NKX3-2: variants seen among roughly 807,000 people sequenced by gnomAD.
NKX3-2 encodes homeobox protein Nkx-3.2.
In NKX3-2, 13 loss-of-function variants were observed where a neutral mutation model predicts 19.4. The observed-to-expected ratio is 0.67, with a 90% CI of 0.44 to 1.07. NKX3-2 has a LOEUF of 1.07. NKX3-2 is among the 50% of genes least tolerant of loss of function. NKX3-2 has a pLI of 0.00. For missense variants in NKX3-2, 562 were observed against 488.2 expected (o/e 1.15, Z -1.42); for synonymous variants, 269 against 230.5 (o/e 1.17, Z -1.51).
In NKX3-2 at chr4:13,542,638, C is replaced by A; in HGVS notation, c.467-110G>T. ...GAGTGGGGCGGAAATACACTTTGAT[C>A]CCACTCAAGCGGAGCGGAGGTCTGG... On this transcript the variant is annotated intron_variant, in intron 1 of 1. Coordinates refer to ENST00000382438, the MANE Select transcript of NKX3-2 (RefSeq NM_001189.4). The surrounding 1 kb of genome is among the most constrained non-coding windows in gnomAD (Gnocchi z 6.4). 7.1e-7 allele frequency: 1 copy of A among 1,399,250 alleles called. No homozygotes were observed. The highest frequency in any genetic ancestry group is 9.9e-7 in the Non-Finnish European group (1 of 1,006,280). 86.7% of individuals were successfully genotyped at this position (1,399,250 alleles called of 1,614,324 possible).
upstream of NKX3-2, chr4:13,547,545 T>G: frequency 4.5e-6 from 1 of 221,096 alleles, no homozygotes; most frequent in Non-Finnish European, 8.9e-6. Context: ...GTCTTCTGCC[T>G]CTCTTCCTTC....
Position 13,542,166 on chromosome 4 carries a change from C to T in NKX3-2, c.829G>A (p.Ala277Thr). Residue 277 changes from alanine (A) to threonine (T), a missense_variant, in exon 2 of 2, where the codon GCC becomes ACC. By Grantham distance (58) the Ala-to-Thr change is moderately conservative. Coordinates refer to ENST00000382438, the MANE Select transcript of NKX3-2 (RefSeq NM_001189.4). The surrounding 1 kb of genome is among the most constrained non-coding windows in gnomAD (Gnocchi z 6.4). ...AADLLASAPA[A>T]KKVAVKVLVR... ...AGCACCTTTACGGCCACCTTCTTGGCGGCGGGCGCCGAGGCCAGCAGGTCG... is the reference window on the plus strand; with the variant it reads ...AGCACCTTTACGGCCACCTTCTTGGTGGCGGGCGCCGAGGCCAGCAGGTCG... The T allele has an allele frequency of 3.7e-6, 6 of 1,607,998 alleles. No individual in the cohort carries two copies. Among genetic ancestry groups the T allele is most frequent in the Non-Finnish European group, 5.1e-6 (6 of 1,177,556 alleles).
In NKX3-2 at chr4:13,542,498, C is replaced by T. The variant is rs1185382344; in HGVS notation, c.497G>A (p.Gly166Asp). 6.3e-7 allele frequency: 1 copy of T among 1,596,716 alleles called. No individual in the cohort carries two copies. The highest frequency in any genetic ancestry group is 1.1e-5 in the South Asian group (1 of 90,964). ...GDRSPRTEDD[G>D]VGPRGAHVSA... ...CACGTGTGCACCTCTGGGGCCAACACCGTCGTCCTCGGTCCTTGGGCTGCG... is the reference window on the plus strand; with the variant it reads ...CACGTGTGCACCTCTGGGGCCAACATCGTCGTCCTCGGTCCTTGGGCTGCG... Residue 166 changes from glycine to aspartate, a missense_variant, in exon 2 of 2, where the codon GGT (glycine) becomes GAT (aspartate). Transcript: ENST00000382438. The surrounding 1 kb of genome is among the most constrained non-coding windows in gnomAD (Gnocchi z 6.4).
In NKX3-2 at chr4:13,544,106, G is replaced by C. The variant is rs749687098; in HGVS notation, c.309C>G (p.Ser103Arg). ...SDSALSEENE[S>R]RRRCADARGA... ...CCCGCGCGTCCGCGCAGCGCCGCCT[G>C]CTCTCGTTCTCCTCGCTGAGCGCGG... The change falls in exon 1 of 2, where the codon AGC becomes AGG. Residue 103 changes from serine to arginine, a missense_variant. Transcript: ENST00000382438. 1.9e-6 allele frequency: 3 copies of C among 1,597,952 alleles called. No individual in the cohort carries two copies. The highest frequency in any genetic ancestry group is 2.6e-6 in the Non-Finnish European group (3 of 1,174,890).
At position 13,541,754 on chromosome 4, in the gene NKX3-2, TG is replaced by T; in HGVS notation, c.*238del. The T allele has an allele frequency of 2.0e-6, 1 of 505,548 alleles. No homozygotes were observed. The highest frequency in any genetic ancestry group is 3.5e-6 in the Non-Finnish European group (1 of 288,626). 31.3% of individuals were successfully genotyped at this position (505,548 alleles called of 1,614,324 possible). On this transcript the variant is annotated 3_prime_UTR_variant, in exon 2 of 2. Coordinates refer to ENST00000382438, the MANE Select transcript of NKX3-2 (RefSeq NM_001189.4). ...TAGAGCCCAGGGGCTTCCAGGCAGG[TG>T]GGCGATCAGGGCCCCTAGGCCATAG...
In NKX3-2 at chr4:13,543,802, C is replaced by T. The variant is rs1577284675; in HGVS notation, c.466+147G>A. On this transcript the variant is annotated intron_variant, in intron 1 of 1. Coordinates refer to ENST00000382438, the MANE Select transcript of NKX3-2 (RefSeq NM_001189.4). The surrounding 1 kb of genome is among the most constrained non-coding windows in gnomAD (Gnocchi z 7.1). ...CTCAGTTCCCGAAGTGATAGAGCAGCTCGCGCCAGAGCGCAGAACTTCGGG... is the reference window on the plus strand; with the variant it reads ...CTCAGTTCCCGAAGTGATAGAGCAGTTCGCGCCAGAGCGCAGAACTTCGGG... 1 of 730,900 alleles carries T rather than the reference C, an allele frequency of 1.4e-6. No homozygotes were observed. Among genetic ancestry groups the T allele is most frequent in the Non-Finnish European group, 2.1e-6 (1 of 472,898 alleles). 45.3% of individuals were successfully genotyped at this position (730,900 alleles called of 1,614,324 possible).
upstream of NKX3-2, chr4:13,547,172 T>G (rs2080023): frequency 0.99 from 453,791 of 456,338 alleles, 225,667 homozygotes; most frequent in East Asian, 1. Flanking sequence ...GAGGTGGTTG[T>G]ATGCCCAGAG....
rs1331116793 is a variant in NKX3-2, at chr4:13,544,421, C to G, written c.-7G>C. 2.0e-6 allele frequency: 3 copies of G among 1,507,644 alleles called. No homozygotes were observed. The highest frequency in any genetic ancestry group is 2.6e-6 in the Non-Finnish European group (3 of 1,137,124). 93.4% of individuals were successfully genotyped at this position (1,507,644 alleles called of 1,614,324 possible). ...TGGCGCCGCGCACAGCCATCTGCGC[C>G]GCGGGCAGGAGCGGCCGGCGGGGCG... On this transcript the variant is annotated 5_prime_UTR_variant, in exon 1 of 2. Transcript: ENST00000382438.
rs908499897 is a variant in NKX3-2 at position 13,542,980 on chromosome 4, G to A, written c.467-452C>T. Among the ~76,000 whole-genome samples, 1 of 152,034 alleles carries A rather than the reference G, an allele frequency of 6.6e-6. No homozygotes were observed. Among genetic ancestry groups the A allele is most frequent in the African/African-American group, 2.4e-5 (1 of 41,414 alleles). ...GCGCGCGTCCTCGCAGCACACACTT[G>A]TCTGGTGCAGGTAAGGGAAGGTGGA... On this transcript the variant is annotated intron_variant, in intron 1 of 1. Coordinates refer to ENST00000382438, the MANE Select transcript of NKX3-2 (RefSeq NM_001189.4). This position sits in a 1 kb window ranked among gnomAD's most constrained non-coding sequence, Gnocchi z 6.4.
At chr4:13,546,816 A>C, upstream of NKX3-2, 1 of 408,812 alleles carries the variant, frequency 2.4e-6, no homozygotes, top group Admixed American at 2.7e-5. Context: ...GTTTAAAAAG[A>C]ATCCCAAATC....
Position 13,544,235 on chromosome 4 carries a change from C to T in NKX3-2, c.180G>A (p.Ala60=), listed in dbSNP as rs1024270090. The change falls in exon 1 of 2, where the codon GCG becomes GCA. Residue 60 remains alanine, a synonymous_variant. Transcript: ENST00000382438. ...CCWRLFGERD[A]GALGGAEDSL... ...AGTCCTCGGCGCCCCCCAACGCGCC[C>T]GCGTCCCTCTCCCCAAAGAGCCGCC... The T allele has an allele frequency of 1.9e-6, 3 of 1,588,376 alleles. No individual in the cohort carries two copies. The highest frequency in any genetic ancestry group is 1.1e-5 in the South Asian group (1 of 89,120).
In NKX3-2 at chr4:13,541,981, G is replaced by A. The variant is rs926880655; in HGVS notation, c.*12C>T. The A allele has an allele frequency of 1.3e-6, 2 of 1,570,954 alleles. No homozygotes were observed. Among genetic ancestry groups the A allele is most frequent in the African/African-American group, 1.4e-5 (1 of 73,712 alleles). On this transcript the variant is annotated 3_prime_UTR_variant, in exon 2 of 2. Coordinates refer to ENST00000382438, the MANE Select transcript of NKX3-2 (RefSeq NM_001189.4). Reference sequence around the variant, plus strand: ...AGCGCGGGAATCACTCGCTGCCTCAGCCCAAGCGGGTTCACTGGGTGCCTG... The same window carrying A: ...AGCGCGGGAATCACTCGCTGCCTCAACCCAAGCGGGTTCACTGGGTGCCTG...
chr4:13,546,736 T>C (rs1284214016), upstream of NKX3-2: 5 of 363,404 alleles, frequency 1.4e-5, no homozygotes, highest in Non-Finnish European at 1.7e-5. Flanking sequence ...GGTTTGGGGC[T>C]ACGTAAAGAC....
chr4:13,546,831 T>C, upstream of NKX3-2: 1 of 432,122 alleles, frequency 2.3e-6, no homozygotes, highest in Non-Finnish European at 4.7e-6. Context: ...CAAATCACAG[T>C]TGGACATACT....
rs930248404 is a variant in NKX3-2 at position 13,544,306 on chromosome 4, C to T, written c.109G>A (p.Gly37Arg). ...GCGGCCACCGATGCCGCTGTGCCCC[C>T]GGGCGCCGGGCGCCCCTCTGGCGCG... ...LAAPEGRPAP[G>R]GTAASVAAAP... Residue 37 changes from glycine (G) to arginine (R), a missense_variant, in exon 1 of 2, where the codon GGG (glycine) becomes AGG (arginine). Transcript: ENST00000382438. 9 of 1,529,626 alleles carry T rather than the reference C, an allele frequency of 5.9e-6. No individual in the cohort carries two copies. Among genetic ancestry groups the T allele is most frequent in the Non-Finnish European group, 7.9e-6 (9 of 1,145,924 alleles). The allele number at this position is 1,529,626 out of a possible 1,614,324, so 94.8% of individuals were successfully genotyped here.
chr4:13,542,213 G>A lies in NKX3-2; in HGVS notation c.782C>T (p.Thr261Ile). The change falls in exon 2 of 2, where the codon ACA becomes ATA. Residue 261 changes from threonine to isoleucine, a missense_variant. By Grantham distance (89) the Thr-to-Ile change is moderately conservative (BLOSUM62 -1). Coordinates refer to ENST00000382438, the MANE Select transcript of NKX3-2 (RefSeq NM_001189.4). The surrounding 1 kb of genome is among the most constrained non-coding windows in gnomAD (Gnocchi z 6.4). ...GTCGGCTGCCATCTGCCGGCGCTTT[G>A]TCTTGTAGCGACGGTTCTGGAACCA... ...KIWFQNRRYK[T>I]KRRQMAADLL... is the part of the protein sequence containing the mutation. 6.2e-7 allele frequency: 1 copy of A among 1,611,394 alleles called. No individual in the cohort carries two copies. The highest frequency in any genetic ancestry group is 8.5e-7 in the Non-Finnish European group (1 of 1,179,092).
chr4:13,542,009 G>C lies in NKX3-2; in HGVS notation c.986C>G (p.Ala329Gly). The C allele has an allele frequency of 6.3e-7, 1 of 1,590,106 alleles. No individual in the cohort carries two copies. Among genetic ancestry groups the C allele is most frequent in the Non-Finnish European group, 8.6e-7 (1 of 1,169,112 alleles). The change falls in exon 2 of 2, where the codon GCC becomes GGC. Residue 329 changes from alanine (A) to glycine (G), a missense_variant. Ala to Gly is a moderately conservative substitution (Grantham distance 60). Coordinates refer to ENST00000382438, the MANE Select transcript of NKX3-2 (RefSeq NM_001189.4). The surrounding 1 kb of genome is among the most constrained non-coding windows in gnomAD (Gnocchi z 6.4). Reference sequence around the variant, plus strand: ...CAAGCGGGTTCACTGGGTGCCTGCGGCAGCTGCGCAGGTGGAGAGCGCCCA... The same window carrying C: ...CAAGCGGGTTCACTGGGTGCCTGCGCCAGCTGCGCAGGTGGAGAGCGCCCA... Reference protein sequence around the residue: ...PGWALSTCAAAAGTQ With the variant: ...PGWALSTCAAGAGTQ
chr4:13,541,686 T>C lies in NKX3-2; in HGVS notation c.*307A>G. 2 of 350,546 alleles carry C rather than the reference T, an allele frequency of 5.7e-6. No individual in the cohort carries two copies. Among genetic ancestry groups the C allele is most frequent in the Non-Finnish European group, 1.0e-5 (2 of 192,336 alleles). 21.7% of individuals were successfully genotyped at this position (350,546 alleles called of 1,614,324 possible). A position where few individuals can be genotyped will look rare whatever the true frequency, so the allele number is the denominator to read the frequency against. ...GGAAAACCCCACCCCCAGGCAGACA[T>C]ATTCGAATCAAAATTTAATTCCAAC... is the stretch of plus-strand genomic sequence containing the variant. On this transcript the variant is annotated 3_prime_UTR_variant, in exon 2 of 2. Transcript: ENST00000382438.
In NKX3-2 at chr4:13,542,013, C is replaced by T. The variant is rs780690736; in HGVS notation, c.982G>A (p.Ala328Thr). ...LPGWALSTCA[A>T]AAGTQ ...CGGGTTCACTGGGTGCCTGCGGCAGCTGCGCAGGTGGAGAGCGCCCAGCCT... is the reference window on the plus strand; with the variant it reads ...CGGGTTCACTGGGTGCCTGCGGCAGTTGCGCAGGTGGAGAGCGCCCAGCCT... Residue 328 changes from alanine to threonine, a missense_variant, in exon 2 of 2, where the codon GCT (alanine) becomes ACT (threonine). Ala to Thr is a moderately conservative substitution (Grantham distance 58). Transcript: ENST00000382438. The surrounding 1 kb of genome is among the most constrained non-coding windows in gnomAD (Gnocchi z 6.4). 8 of 1,592,400 alleles carry T rather than the reference C, an allele frequency of 5.0e-6. No individual in the cohort carries two copies. Among genetic ancestry groups the T allele is most frequent in the South Asian group, 1.1e-5 (1 of 88,038 alleles).
Sources: gnomAD v4.1 joint callset for allele counts (sites outside exome capture counted in the v4.1 genomes callset) on GRCh38, gnomAD v4.1.1 for gene constraint, Gnocchi (gnomAD v3.1) non-coding constraint, MANE v1.5 for transcripts, NCBI Gene and HGNC (gene_info 2026-07-23, HGNC 2026-07-21) for gene names.